The following SLC71A1 variants were observed in gnomAD, a reference collection of about 807,000 sequenced individuals.
The protein encoded by SLC71A1 is solute carrier family 71 member 1.
chr1:100,045,992 C>T, the SLC71A1 span, among the ~76,000 whole-genome samples: 9 of 151,890 alleles, frequency 5.9e-5, no homozygotes, highest in Non-Finnish European at 1.0e-4. Flanking sequence ...ATATGGATAT[C>T]CACTTTTCCT....
the SLC71A1 span, among the ~76,000 whole-genome samples, chr1:100,048,822 T>C: frequency 1.3e-5 from 2 of 152,146 alleles, no homozygotes; most frequent in African/African-American, 4.8e-5. Context: ...TCAAAGACAA[T>C]ACAAATGTTT....
the SLC71A1 span, among the ~76,000 whole-genome samples, chr1:100,044,511 A>ATTTTTTTT: frequency 9.7e-6 from 1 of 103,150 alleles, no homozygotes; most frequent in South Asian, 3.0e-4. Context: ...TACTCTGCTG[A>ATTTTTTTT]TTTTTTTTTT....
the SLC71A1 span, among the ~76,000 whole-genome samples, chr1:100,057,507 A>G: frequency 3.9e-5 from 6 of 151,902 alleles, no homozygotes. Context: ...GGCGCCTGCC[A>G]CCACGCCTGG....
the SLC71A1 span, among the ~76,000 whole-genome samples, chr1:100,070,435 T>C: frequency 6.6e-6 from 1 of 152,130 alleles, no homozygotes; most frequent in East Asian, 1.9e-4. Flanking sequence ...AGGGACCAGA[T>C]CGTGCGGGGC....
At chr1:100,038,737 A>T in the SLC71A1 span, among the ~76,000 whole-genome samples, 1 of 152,314 alleles carries the variant, frequency 6.6e-6, no homozygotes, top group East Asian at 1.9e-4. Flanking sequence ...GCTGGGAACC[A>T]TCCCTGCTCT....
chr1:100,056,682 C>CT, the SLC71A1 span, among the ~76,000 whole-genome samples: 1 of 152,096 alleles, frequency 6.6e-6, no homozygotes, highest in Non-Finnish European at 1.5e-5. Context: ...TACTGATTTC[C>CT]TTTTTTTGGA....
chr1:100,064,221 A>G, the SLC71A1 span, among the ~76,000 whole-genome samples: 1 of 152,114 alleles, frequency 6.6e-6, no homozygotes, highest in African/African-American at 2.4e-5. Flanking sequence ...GGCTTACTGC[A>G]ACCTCCGCCT....
At chr1:100,044,511 ATT>A in the SLC71A1 span, among the ~76,000 whole-genome samples, 4 of 103,146 alleles carry the variant, frequency 3.9e-5, no homozygotes, top group African/African-American at 1.2e-4. Flanking sequence ...TACTCTGCTG[ATT>A]TTTTTTTTTT....
At chr1:100,043,952 G>A in the SLC71A1 span, among the ~76,000 whole-genome samples, 1 of 152,082 alleles carries the variant, frequency 6.6e-6, no homozygotes, top group African/African-American at 2.4e-5. Context: ...CCACTTGTTG[G>A]TCATTGGGCA....
At chr1:100,080,670 T>C in the SLC71A1 span, 1 of 1,609,134 alleles carries the variant, frequency 6.2e-7, no homozygotes, top group Admixed American at 1.7e-5. Flanking sequence ...GTAATTCTCA[T>C]TCAACATGAT....
chr1:100,077,211 C>T, the SLC71A1 span: 1 of 1,586,326 alleles, frequency 6.3e-7, no homozygotes, highest in Non-Finnish European at 8.6e-7. Context: ...AATAAGAACA[C>T]CATTTTACTG....
chr1:100,054,222 T>C, the SLC71A1 span, among the ~76,000 whole-genome samples: 1 of 151,490 alleles, frequency 6.6e-6, no homozygotes, highest in Non-Finnish European at 1.5e-5. Flanking sequence ...TTTTTTTTAT[T>C]ATTTTTTTTG....
At chr1:100,067,268 C>T in the SLC71A1 span, among the ~76,000 whole-genome samples, 5 of 151,986 alleles carry the variant, frequency 3.3e-5, no homozygotes, top group Non-Finnish European at 7.4e-5. Context: ...TTTTGAGATG[C>T]GGTCTCACTC....
the SLC71A1 span, among the ~76,000 whole-genome samples, chr1:100,051,157 C>A: frequency 6.6e-6 from 1 of 151,254 alleles, no homozygotes; most frequent in Non-Finnish European, 1.5e-5. Context: ...CTTTGGGAGG[C>A]CAAGGCGGGT....
At chr1:100,058,093 T>A in the SLC71A1 span, 1 of 152,230 alleles carries the variant, frequency 6.6e-6, no homozygotes, top group African/African-American at 2.4e-5. Context: ...TGCAAAAAAT[T>A]GATACCACAT....
At chr1:100,049,887 T>TA in the SLC71A1 span, 2 of 1,363,818 alleles carry the variant, frequency 1.5e-6, no homozygotes, top group Non-Finnish European at 2.0e-6. Flanking sequence ...TTTAACTTTT[T>TA]AAAAAATCTT....
the SLC71A1 span, among the ~76,000 whole-genome samples, chr1:100,070,302 G>A: frequency 2.0e-5 from 3 of 152,182 alleles, no homozygotes; most frequent in Non-Finnish European, 4.4e-5. Context: ...ATTTTAAACA[G>A]TACAAACAAA....
At chr1:100,046,617 TG>T in the SLC71A1 span, among the ~76,000 whole-genome samples, 2 of 152,208 alleles carry the variant, frequency 1.3e-5, no homozygotes, top group Non-Finnish European at 2.9e-5. Flanking sequence ...AAAAATTCTG[TG>T]AGGAATGTCA....
chr1:100,068,344 T>G, the SLC71A1 span: 1 of 926,102 alleles, frequency 1.1e-6, no homozygotes, highest in South Asian at 1.7e-5. Context: ...TTGGGGAATA[T>G]GAAATAAATA....
Sources: allele counts gnomAD v4.1 joint callset (sites outside exome capture counted in the v4.1 genomes callset), GRCh38; gene constraint gnomAD v4.1.1; transcripts MANE v1.5; gene names NCBI Gene and HGNC (gene_info 2026-07-23, HGNC 2026-07-21).